The following AGO2 variants were observed in gnomAD, a reference collection of about 807,000 sequenced individuals.
AGO2 encodes the protein argonaute RISC catalytic component 2.
In AGO2, 5 loss-of-function variants were observed where a neutral mutation model predicts 102.3. The ratio of observed to expected loss-of-function variants is 0.05; its 90% CI spans 0.03 to 0.10. The LOEUF (loss-of-function observed/expected upper bound fraction) is 0.10, where lower values mean the gene tolerates loss of function less well. Among genes scored for constraint, AGO2 ranks in the 10% least tolerant of loss-of-function variants. The probability of loss-of-function intolerance (pLI) is 1.00; values close to 1 mark genes in which losing one functional copy is unlikely to be tolerated. For missense variants in AGO2, 541 were observed against 1,183.7 expected (o/e 0.46, Z 7.97); for synonymous variants, 449 against 473.1 (o/e 0.95, Z 0.66).
At position 140,547,497 on chromosome 8, in the gene AGO2, G is replaced by C. The variant is rs774705348; in HGVS notation, c.1719C>G (p.Gly573=). Residue 573 remains glycine (G), a synonymous_variant, in exon 13 of 19, where the codon GGC becomes GGG. Coordinates refer to ENST00000220592, the MANE Select transcript of AGO2 (RefSeq NM_012154.5). ...CCTGGGGCAGCAGGATGTTGTTCAC[G>C]CCTCCCAGCTTGACGTTGATCTTCA... is the stretch of plus-strand genomic sequence containing the variant. ...LCLKINVKLG[G]VNNILLPQGR... is the part of the protein sequence containing the mutation. 1 of 1,614,084 alleles carries C rather than the reference G, an allele frequency of 6.2e-7. No individual in the cohort carries two copies. Among genetic ancestry groups the C allele is most frequent in the East Asian group, 2.2e-5 (1 of 44,876 alleles).
At chr8:140,569,779 TC>T (rs2073348086) in intron 3 of AGO2, among the ~76,000 whole-genome samples, 1 of 152,156 alleles carries the variant, frequency 6.6e-6, no homozygotes, top group Non-Finnish European at 1.5e-5. Flanking sequence ...CTGGGAGAAC[TC>T]GTCTCTCTTT....
intron 1 of AGO2, among the ~76,000 whole-genome samples, chr8:140,600,412 G>A (rs1319658838): frequency 1.3e-5 from 2 of 152,220 alleles, no homozygotes; most frequent in Admixed American, 6.5e-5. Context: ...CGGGCGCGGT[G>A]GCTCACGCCT....
At chr8:140,636,057 C>G (rs1237610578), upstream of AGO2, among the ~76,000 whole-genome samples, 1 of 151,296 alleles carries the variant, frequency 6.6e-6, no homozygotes, top group Non-Finnish European at 1.5e-5. Flanking sequence ...CCCCGCTTTC[C>G]CCGCCGCCCC....
intron 1 of AGO2, among the ~76,000 whole-genome samples, chr8:140,607,771 G>C (rs59510807): frequency 0.058 from 8,789 of 151,922 alleles, 722 homozygotes; most frequent in African/African-American, 0.19. Flanking sequence ...TGGCTGCCAG[G>C]GGGTGGGAGG....
chr8:140,612,873 G>A (rs1309115260), intron 1 of AGO2, among the ~76,000 whole-genome samples: 2 of 152,066 alleles, frequency 1.3e-5, no homozygotes, highest in Non-Finnish European at 2.9e-5. Flanking sequence ...AGCTGCATGA[G>A]GCCAGATTTT....
At chr8:140,618,815 CAA>C (rs543573898) in intron 1 of AGO2, among the ~76,000 whole-genome samples, 2 of 138,412 alleles carry the variant, frequency 1.4e-5, no homozygotes, top group African/African-American at 2.7e-5. Flanking sequence ...GACCTTGTCT[CAA>C]AAAAAAAAGA....
chr8:140,562,783 G>A (rs973534822), intron 3 of AGO2, 149 bp from the exon 4 acceptor site: 13 of 782,634 alleles, frequency 1.7e-5, no homozygotes, highest in Admixed American at 5.6e-5. Flanking sequence ...TGGCTATGGA[G>A]CACTTGAAAT....
intron 1 of AGO2, among the ~76,000 whole-genome samples, chr8:140,591,164 C>G (rs1425115315): frequency 6.6e-6 from 1 of 152,256 alleles, no homozygotes; most frequent in Non-Finnish European, 1.5e-5. Context: ...CTGTTGAGCA[C>G]TTCTGTGTTC....
At position 140,556,086 on chromosome 8, in the gene AGO2, C is replaced by T. The variant is rs58992419; in HGVS notation, c.1147-68G>A. The T allele has an allele frequency of 4.4e-4, 705 of 1,610,728 alleles. 6 individuals carry two copies. In the African/African-American group the frequency reaches 8.1e-3, roughly 19 times the overall value. ...CTCCCATCTCTCTAGCAGCTGCGTCCGTTCCAAGCATCAGAGGTTTCTGTG... is the reference window on the plus strand; with the variant it reads ...CTCCCATCTCTCTAGCAGCTGCGTCTGTTCCAAGCATCAGAGGTTTCTGTG... On this transcript the variant is annotated intron_variant, in intron 9 of 18. Coordinates refer to ENST00000220592, the MANE Select transcript of AGO2 (RefSeq NM_012154.5).
At chr8:140,536,693 CAATT>C (rs2072704430) in intron 16 of AGO2, among the ~76,000 whole-genome samples, 1 of 152,190 alleles carries the variant, frequency 6.6e-6, no homozygotes, top group African/African-American at 2.4e-5. Flanking sequence ...GTTTCTACCT[CAATT>C]ATTTTCCATT....
chr8:140,579,171 C>T (rs902334270), intron 2 of AGO2, among the ~76,000 whole-genome samples: 1 of 151,422 alleles, frequency 6.6e-6, no homozygotes, highest in Non-Finnish European at 1.5e-5. Context: ...TGCAGTGAGC[C>T]ATCACTGCGT....
chr8:140,567,583 G>A lies in AGO2; in HGVS notation c.337-4949C>T, dbSNP rs977491636. 2.0e-5 allele frequency among the ~76,000 whole-genome samples: 3 copies of A among 152,206 alleles called. No homozygotes were observed. The highest frequency in any genetic ancestry group is 2.9e-5 in the Non-Finnish European group (2 of 68,032). The stretch of plus-strand genomic sequence containing the variant: ...GCACTGGTGCCAATTGTGTTGCAGC[G>A]CTACAATCTGGGAGTGGCCCAACTG... On this transcript the variant is annotated intron_variant, in intron 3 of 18. Transcript: ENST00000220592. This position sits in a 1 kb window ranked among gnomAD's most constrained non-coding sequence, Gnocchi z 5.0.
upstream of AGO2, among the ~76,000 whole-genome samples, chr8:140,640,171 G>A (rs1191137417): frequency 6.6e-6 from 1 of 152,048 alleles, no homozygotes; most frequent in African/African-American, 2.4e-5. Context: ...ACCACACCCG[G>A]CTAATTTTTT....
chr8:140,640,725 T>TG, the AGO2 span, among the ~76,000 whole-genome samples: 2 of 152,142 alleles, frequency 1.3e-5, no homozygotes, highest in East Asian at 3.9e-4. Context: ...TTCACCATAT[T>TG]GGCCAGGCTG....
chr8:140,573,974 C>T (rs2073425261), intron 2 of AGO2, among the ~76,000 whole-genome samples: 1 of 152,202 alleles, frequency 6.6e-6, no homozygotes, highest in Non-Finnish European at 1.5e-5. Flanking sequence ...AAACCTCAGC[C>T]CACTTGCAGA....
At chr8:140,574,865 T>C (rs1256601266) in intron 2 of AGO2, among the ~76,000 whole-genome samples, 1 of 152,178 alleles carries the variant, frequency 6.6e-6, no homozygotes, top group Non-Finnish European at 1.5e-5. Flanking sequence ...GTCTTTCTCT[T>C]GGGCAGAGCC....
At chr8:140,541,535 G>A in intron 14 of AGO2, 177 bp from the exon 15 acceptor site, 2 of 583,924 alleles carry the variant, frequency 3.4e-6, no homozygotes, top group Non-Finnish European at 5.9e-6. Context: ...TTGGTGTCTG[G>A]CAATAGTGTT....
chr8:140,621,306 C>A (rs1159399610), intron 1 of AGO2, among the ~76,000 whole-genome samples: 1 of 152,204 alleles, frequency 6.6e-6, no homozygotes, highest in African/African-American at 2.4e-5. Flanking sequence ...CACTTTCCTG[C>A]CCCTCCTACT....
intron 1 of AGO2, among the ~76,000 whole-genome samples, chr8:140,599,824 C>A (rs974482857): frequency 1.3e-5 from 2 of 152,172 alleles, no homozygotes; most frequent in African/African-American, 4.8e-5. Flanking sequence ...CGGGTTCAAG[C>A]GATCCTCCTG....
Sources: allele counts gnomAD v4.1 joint callset (sites outside exome capture counted in the v4.1 genomes callset), GRCh38; gene constraint gnomAD v4.1.1; non-coding constraint Gnocchi (gnomAD v3.1); transcripts MANE v1.5; gene names NCBI Gene and HGNC (gene_info 2026-07-23, HGNC 2026-07-21).